Variants in MS4A1 observed in about 807,000 individuals in gnomAD.
The protein encoded by MS4A1 is membrane spanning 4-domains A1.
A neutral mutation model predicts 26.5 loss-of-function variants in MS4A1; 16 were observed. That is an observed-to-expected ratio of 0.60 (90% CI 0.41 to 0.92). MS4A1 has a LOEUF of 0.92. MS4A1 is among the 40% of genes least tolerant of loss of function. The pLI is 0.00. For synonymous variants in MS4A1, 128 were observed against 117.6 expected, an observed-to-expected ratio of 1.09 and a Z score of -0.57; for missense variants, 350 against 353.0, an observed-to-expected ratio of 0.99 and a Z score of 0.07.
At chr11:60,464,770 A>C (rs1176647102) in intron 5 of MS4A1, among the ~76,000 whole-genome samples, 1 of 152,210 alleles carries the variant, frequency 6.6e-6, no homozygotes, top group Non-Finnish European at 1.5e-5. Context: ...CTAGAAAGGA[A>C]GGGTAACAGT....
At chr11:60,467,151 T>C in intron 7 of MS4A1, 91 bp downstream of exon 7, 1 of 1,114,660 alleles carries the variant, frequency 9.0e-7, no homozygotes, top group Non-Finnish European at 1.4e-6. Flanking sequence ...GATGAGTTGT[T>C]GAAACTAGGA....
intron 6 of MS4A1, 71 bp from the exon 7 acceptor site, chr11:60,466,888 C>T: frequency 1.4e-6 from 2 of 1,427,522 alleles, no homozygotes; most frequent in South Asian, 1.2e-5. Flanking sequence ...TCAACAATAA[C>T]TTACTGAACA....
chr11:60,459,015 C>T (rs914497369), intron 1 of MS4A1, among the ~76,000 whole-genome samples: 1 of 152,044 alleles, frequency 6.6e-6, no homozygotes, highest in Non-Finnish European at 1.5e-5. Context: ...TCATTATTGC[C>T]ATTAGTTACA....
chr11:60,462,797 C>T (rs78619545), intron 3 of MS4A1, among the ~76,000 whole-genome samples: 1,652 of 152,234 alleles, frequency 0.011, 77 homozygotes, highest in Admixed American at 0.086. Context: ...TGCCAGAATC[C>T]CAGGCATACC....
intron 5 of MS4A1, among the ~76,000 whole-genome samples, chr11:60,464,674 T>A (rs915832975): frequency 2.0e-5 from 3 of 152,192 alleles, no homozygotes; most frequent in Admixed American, 6.5e-5. Context: ...CTGATCAATG[T>A]CATGATTGAT....
intron 5 of MS4A1, 27 bp from the exon 6 acceptor site, chr11:60,465,894 A>G (rs773848581): frequency 4.5e-6 from 7 of 1,565,452 alleles, no homozygotes; most frequent in South Asian, 4.4e-5. Context: ...ATCAAACCCA[A>G]TTAATAAATC....
At chr11:60,466,857 C>A in intron 6 of MS4A1, 102 bp from the exon 7 acceptor site, 2 of 1,114,394 alleles carry the variant, frequency 1.8e-6, no homozygotes, top group African/African-American at 1.5e-5. Context: ...AAGAATTGAT[C>A]TCTTAATCGT....
intron 4 of MS4A1, 110 bp from the exon 5 acceptor site, chr11:60,464,178 T>G (rs1012784298): frequency 1.7e-5 from 13 of 774,256 alleles, no homozygotes; most frequent in Middle Eastern, 2.3e-4. Flanking sequence ...TTGCTGAAAG[T>G]GTAGGCTTCT....
chr11:60,457,208 C>G (rs897635902), intron 1 of MS4A1, among the ~76,000 whole-genome samples: 1 of 152,082 alleles, frequency 6.6e-6, no homozygotes, highest in African/African-American at 2.4e-5. Context: ...GGAGAAGGAA[C>G]ACTTCAAAGT....
rs763383703 is a variant in MS4A1, at chr11:60,468,446, T to C, written c.872T>C (p.Ile291Thr). The C allele has an allele frequency of 4.3e-6, 7 of 1,614,096 alleles. No individual in the cohort carries two copies. The highest frequency in any genetic ancestry group is 1.7e-5 in the Admixed American group (1 of 60,024). The change falls in exon 8 of 8, where the codon ATA (isoleucine) becomes ACA (threonine). Residue 291 changes from isoleucine (I) to threonine (T), a missense_variant. By Grantham distance (89) the Ile-to-Thr change is moderately conservative (BLOSUM62 -1). Coordinates refer to ENST00000345732, the MANE Select transcript of MS4A1 (RefSeq NM_152866.3). ...CCCCAAGATCAGGAATCCTCACCAA[T>C]AGAAAATGACAGCTCTCCTTAAGTG... The part of the protein sequence containing the change: ...EPPQDQESSP[I>T]ENDSSP
intron 2 of MS4A1, among the ~76,000 whole-genome samples, chr11:60,461,846 A>T (rs1274319308): frequency 6.7e-6 from 1 of 149,006 alleles, no homozygotes; most frequent in Non-Finnish European, 1.5e-5. Flanking sequence ...TGTGACTTGC[A>T]CAAGGTGGCA....
chr11:60,466,242 C>T, intron 6 of MS4A1, 85 bp downstream of exon 6: 1 of 1,101,526 alleles, frequency 9.1e-7, no homozygotes, highest in Non-Finnish European at 1.4e-6. Flanking sequence ...ACTCTGGATC[C>T]AGACCACCTG....
chr11:60,460,601 C>T (rs944447107), intron 1 of MS4A1, among the ~76,000 whole-genome samples: 1 of 152,106 alleles, frequency 6.6e-6, no homozygotes, highest in Non-Finnish European at 1.5e-5. Flanking sequence ...TCTTACATGA[C>T]TTACAAGCAA....
intron 6 of MS4A1, chr11:60,466,630 T>A: frequency 5.3e-6 from 2 of 379,584 alleles, no homozygotes; most frequent in Non-Finnish European, 9.9e-6. Flanking sequence ...CTAGGCATGA[T>A]GCCACACCAA....
At chr11:60,466,839 C>T (rs1287642205) in intron 6 of MS4A1, 120 bp from the exon 7 acceptor site, 17 of 964,766 alleles carry the variant, frequency 1.8e-5, no homozygotes, top group South Asian at 5.5e-5. Flanking sequence ...CTATTCATTA[C>T]TTGTCTAAAG....
chr11:60,456,191 G>A (rs2086201873), intron 1 of MS4A1, among the ~76,000 whole-genome samples: 1 of 151,814 alleles, frequency 6.6e-6, no homozygotes, highest in African/African-American at 2.4e-5. Flanking sequence ...AAAAGTAGTA[G>A]ATTGCAGCAT....
intron 1 of MS4A1, chr11:60,458,349 G>A (rs2086220748): frequency 6.6e-6 from 1 of 152,206 alleles, no homozygotes. Context: ...GATGGTACGA[G>A]TGGACTTAAA....
intron 1 of MS4A1, among the ~76,000 whole-genome samples, chr11:60,460,702 C>G (rs1244437372): frequency 6.7e-6 from 1 of 148,966 alleles, no homozygotes; most frequent in Non-Finnish European, 1.5e-5. Flanking sequence ...TTAACATGAA[C>G]AAGTGAATGC....
rs58258003 is a variant in MS4A1 at position 60,464,083 on chromosome 11, G to A, written c.280-205G>A. 98 of 592,932 alleles carry A rather than the reference G, an allele frequency of 1.7e-4. No individual in the cohort carries two copies. In the African/African-American group the frequency reaches 1.7e-3, roughly 11 times the overall value. 36.7% of individuals were successfully genotyped at this position (592,932 alleles called of 1,614,324 possible). ...TGATTGAGTAAAAGGCATGAATTTAGTGTCACTGAGCCTGAATAAAGGAGG... is the reference window on the plus strand; with the variant it reads ...TGATTGAGTAAAAGGCATGAATTTAATGTCACTGAGCCTGAATAAAGGAGG... On this transcript the variant is annotated intron_variant, in intron 4 of 7. Transcript: ENST00000345732.
Sources: allele counts gnomAD v4.1 joint callset (sites outside exome capture counted in the v4.1 genomes callset), GRCh38; gene constraint gnomAD v4.1.1; transcripts MANE v1.5; gene names NCBI Gene and HGNC (gene_info 2026-07-23, HGNC 2026-07-21).